Variants in ADCY9 observed in about 807,000 individuals in gnomAD.
ADCY9 encodes adenylate cyclase type 9.
Under a neutral mutation model 101.5 loss-of-function variants are expected in ADCY9, and 50 were observed. That is an observed-to-expected ratio of 0.49 (90% CI 0.39 to 0.62). The LOEUF (loss-of-function observed/expected upper bound fraction) is 0.62, where lower values mean the gene tolerates loss of function less well. ADCY9 is among the 20% of genes least tolerant of loss of function. ADCY9 has a pLI of 0.00. For synonymous variants in ADCY9, 905 were observed against 769.3 expected, an observed-to-expected ratio of 1.18 and a Z score of -2.92; for missense variants, 1,662 against 1,800.4, an observed-to-expected ratio of 0.92 and a Z score of 1.39.
At chr16:4,069,300 T>TTATTAC (rs1491320420) in intron 2 of ADCY9, among the ~76,000 whole-genome samples, 2 of 145,218 alleles carry the variant, frequency 1.4e-5, no homozygotes, top group Non-Finnish European at 3.0e-5. Context: ...ATTATTATTA[T>TTATTAC]TAGGGGGATT....
intron 3 of ADCY9, among the ~76,000 whole-genome samples, chr16:3,997,735 G>A (rs1274447468): frequency 6.6e-6 from 1 of 152,166 alleles, no homozygotes; most frequent in Admixed American, 6.5e-5. Flanking sequence ...GGCCGCGCTG[G>A]GTGGCATGGT....
At chr16:4,064,737 C>G (rs1294940621) in intron 2 of ADCY9, among the ~76,000 whole-genome samples, 2 of 152,100 alleles carry the variant, frequency 1.3e-5, no homozygotes, top group Admixed American at 1.3e-4. Context: ...CCTGGACCTC[C>G]CAAAGTGCTG....
chr16:3,978,007 C>T (rs796730554), intron 8 of ADCY9, among the ~76,000 whole-genome samples: 5 of 152,266 alleles, frequency 3.3e-5, no homozygotes, highest in African/African-American at 7.2e-5. Context: ...TATGAGCCAC[C>T]GCTCCCGGCC....
At chr16:4,100,123 C>T (rs546526851) in intron 2 of ADCY9, among the ~76,000 whole-genome samples, 17 of 152,010 alleles carry the variant, frequency 1.1e-4, no homozygotes, top group East Asian at 1.9e-4. Flanking sequence ...GGAGTTCTCA[C>T]GAGACCTGAT....
At chr16:4,090,871 A>G (rs954687799) in intron 2 of ADCY9, among the ~76,000 whole-genome samples, 1 of 151,970 alleles carries the variant, frequency 6.6e-6, no homozygotes, top group Non-Finnish European at 1.5e-5. Context: ...CTAGGCTCTT[A>G]TATCTACATT....
chr16:4,097,262 C>A lies in ADCY9; in HGVS notation c.1693+16488G>T, dbSNP rs941771183. ...CTGGGCCCATTCACATTCCCAGGCACCATGCGCTGGTCAGCCCTCTCGGCC... is the reference window on the plus strand; with the variant it reads ...CTGGGCCCATTCACATTCCCAGGCAACATGCGCTGGTCAGCCCTCTCGGCC... On this transcript the variant is annotated intron_variant, in intron 2 of 10. Coordinates refer to ENST00000294016, the MANE Select transcript of ADCY9 (RefSeq NM_001116.4). Among the ~76,000 whole-genome samples the A allele has an allele frequency of 2.0e-5, 3 of 151,732 alleles. No individual in the cohort carries two copies. The South Asian group carries it at 6.3e-4, about 32-fold the overall frequency.
At chr16:4,045,978 G>A (rs1184859681) in intron 2 of ADCY9, among the ~76,000 whole-genome samples, 2 of 150,010 alleles carry the variant, frequency 1.3e-5, no homozygotes, top group Non-Finnish European at 2.9e-5. Context: ...CCCAGTAGCT[G>A]GGACTACAGT....
chr16:4,039,192 C>A lies in ADCY9; in HGVS notation c.1694-31634G>T, dbSNP rs935136448. On this transcript the variant is annotated intron_variant, in intron 2 of 10. Transcript: ENST00000294016. ...AGTCTTTCACTACCAGGCCCCAAGC[C>A]CCTTTCCACCCCCATCTCCCATGTC... is the stretch of plus-strand genomic sequence containing the variant. 9.9e-5 allele frequency among the ~76,000 whole-genome samples: 15 copies of A among 152,246 alleles called. No homozygotes were observed. In the East Asian group the frequency reaches 2.9e-3, roughly 29 times the overall value.
rs2014356784 is a variant in ADCY9 at position 3,965,889 on chromosome 16, G to A, written c.3948C>T (p.Val1316=). The A allele has an allele frequency of 6.2e-7, 1 of 1,614,044 alleles. No individual in the cohort carries two copies. Among genetic ancestry groups the A allele is most frequent in the Non-Finnish European group, 8.5e-7 (1 of 1,180,038 alleles). The change falls in exon 11 of 11, where the codon GTC becomes GTT. Residue 1316 remains valine, a synonymous_variant. Transcript: ENST00000294016. ...LSPKRPWKEP[V]KAEERGRFGK... ...CAAATCGACCCCTTTCTTCGGCTTT[G>A]ACGGGCTCCTTCCACGGTCTCTTGG...
intron 2 of ADCY9, among the ~76,000 whole-genome samples, chr16:4,097,450 TTACATATATATATA>T (rs1200152394): frequency 7.4e-5 from 2 of 26,890 alleles, no homozygotes; most frequent in Non-Finnish European, 1.5e-4. Context: ...ACATGTGGAG[TTACATATATATATA>T]TATATATATA....
chr16:4,084,113 G>T (rs1218691765), intron 2 of ADCY9, among the ~76,000 whole-genome samples: 1 of 151,236 alleles, frequency 6.6e-6, no homozygotes, highest in East Asian at 2.0e-4. Context: ...TGTTTGTTTT[G>T]TTTTGTTTTT....
intron 3 of ADCY9, among the ~76,000 whole-genome samples, chr16:3,998,974 C>T (rs2056311386): frequency 6.6e-6 from 1 of 151,684 alleles, no homozygotes. Context: ...TTTCCTTGAG[C>T]GATTCATTAG....
intron 2 of ADCY9, among the ~76,000 whole-genome samples, chr16:4,071,773 C>T (rs192688108): frequency 1.2e-4 from 18 of 149,924 alleles, no homozygotes; most frequent in East Asian, 1.2e-3. Context: ...TAACAGAATA[C>T]GTTCTTTTTT....
chr16:4,047,082 G>C (rs753014982), intron 2 of ADCY9, among the ~76,000 whole-genome samples: 1 of 152,090 alleles, frequency 6.6e-6, no homozygotes, highest in African/African-American at 2.4e-5. Context: ...ATATAAGATT[G>C]TTTCTAGGCA....
At position 4,115,395 on chromosome 16, in the gene ADCY9, C is replaced by T. The variant is rs139344371; in HGVS notation, c.48G>A (p.Glu16=). 112 of 1,591,656 alleles carry T rather than the reference C, an allele frequency of 7.0e-5. No homozygotes were observed. In the African/African-American group the frequency reaches 9.6e-4, roughly 14 times the overall value. The change falls in exon 2 of 11, where the codon GAG becomes GAA. Residue 16 remains glutamate (E), a synonymous_variant. Coordinates refer to ENST00000294016, the MANE Select transcript of ADCY9 (RefSeq NM_001116.4). The surrounding 1 kb of genome is among the most constrained non-coding windows in gnomAD (Gnocchi z 6.2). Reference sequence around the variant, plus strand: ...TGTCCCCGCTGGAGTCGCAGCTCACCTCGGTGCTGTGGTGATGCAGCAGCT... The same window carrying T: ...TGTCCCCGCTGGAGTCGCAGCTCACTTCGGTGCTGTGGTGATGCAGCAGCT... The part of the protein sequence containing the change: ...HQQLLHHHST[E]VSCDSSGDSN...
chr16:4,115,444 T>G lies in ADCY9; in HGVS notation c.-2A>C. On this transcript the variant is annotated 5_prime_UTR_variant, in exon 2 of 11. Coordinates refer to ENST00000294016, the MANE Select transcript of ADCY9 (RefSeq NM_001116.4). The surrounding 1 kb of genome is among the most constrained non-coding windows in gnomAD (Gnocchi z 6.2). ...CTGCTGGTGGGGTGGGGAAGCCATG[T>G]TGTCGAGTCCCGGGGCCTGCCCCGG... is the stretch of plus-strand genomic sequence containing the variant. 1 of 1,541,748 alleles carries G rather than the reference T, an allele frequency of 6.5e-7. No homozygotes were observed. The highest frequency in any genetic ancestry group is 8.7e-7 in the Non-Finnish European group (1 of 1,143,152).
intron 2 of ADCY9, among the ~76,000 whole-genome samples, chr16:4,100,189 C>T (rs181137347): frequency 1.3e-3 from 196 of 152,248 alleles, no homozygotes; most frequent in Middle Eastern, 0.01. Flanking sequence ...CTCTCTCTCT[C>T]CTGACACCAT....
chr16:4,097,487 T>TATATATATATATAC (rs76750792), intron 2 of ADCY9, among the ~76,000 whole-genome samples: 2 of 72,512 alleles, frequency 2.8e-5, no homozygotes, highest in African/African-American at 1.0e-4. Context: ...TATATATATA[T>TATATATATATATAC]ACACACACAC....
chr16:4,092,122 T>C (rs1390607042), intron 2 of ADCY9, among the ~76,000 whole-genome samples: 1 of 152,022 alleles, frequency 6.6e-6, no homozygotes, highest in East Asian at 1.9e-4. Flanking sequence ...TACAAAAAAT[T>C]AGACAGGTGT....
Sources: allele counts gnomAD v4.1 joint callset (sites outside exome capture counted in the v4.1 genomes callset), GRCh38; gene constraint gnomAD v4.1.1; non-coding constraint Gnocchi (gnomAD v3.1); transcripts MANE v1.5; gene names NCBI Gene and HGNC (gene_info 2026-07-23, HGNC 2026-07-21).